The following GOLGA4 variants were observed in gnomAD, a reference collection of about 807,000 sequenced individuals.
GOLGA4 encodes the protein golgin subfamily A member 4.
Under a neutral mutation model 265.9 loss-of-function variants are expected in GOLGA4, and 169 were observed. That is an observed-to-expected ratio of 0.64 (90% CI 0.56 to 0.72). GOLGA4 has a LOEUF of 0.72. Among genes scored for constraint, GOLGA4 ranks in the 30% least tolerant of loss-of-function variants. GOLGA4 has a pLI of 0.00. For missense variants in GOLGA4, 2,482 were observed against 2,483.4 expected (o/e 1.00, Z 0.01); for synonymous variants, 923 against 855.8 (o/e 1.08, Z -1.37).
chr3:37,293,440 C>T (rs941213914), intron 5 of GOLGA4, among the ~76,000 whole-genome samples: 1 of 152,028 alleles, frequency 6.6e-6, no homozygotes, highest in African/African-American at 2.4e-5. Context: ...GAGACCTGGG[C>T]TGTGGTTATA....
chr3:37,342,506 C>A (rs950696724), intron 20 of GOLGA4, among the ~76,000 whole-genome samples: 1 of 152,122 alleles, frequency 6.6e-6, no homozygotes, highest in South Asian at 2.1e-4. Context: ...TGTTCTTTAT[C>A]ATTTACCACC....
At chr3:37,343,859 A>T (rs570667500) in intron 20 of GOLGA4, among the ~76,000 whole-genome samples, 1 of 152,312 alleles carries the variant, frequency 6.6e-6, no homozygotes, top group South Asian at 2.1e-4. Context: ...CGATTTTAAG[A>T]TCTGTCACCC....
intron 10 of GOLGA4, among the ~76,000 whole-genome samples, chr3:37,308,908 C>T (rs1208367985): frequency 6.6e-6 from 1 of 151,994 alleles, no homozygotes; most frequent in African/African-American, 2.4e-5. Flanking sequence ...GCCACTGCGC[C>T]TGGCTAAAAG....
At chr3:37,287,282 A>G (rs556617150) in intron 4 of GOLGA4, among the ~76,000 whole-genome samples, 1 of 152,248 alleles carries the variant, frequency 6.6e-6, no homozygotes, top group African/African-American at 2.4e-5. Flanking sequence ...CAGAGGTTGC[A>G]TTAAGCCAAG....
chr3:37,365,767 AC>A (rs1696700959), intron 23 of GOLGA4, among the ~76,000 whole-genome samples: 1 of 149,392 alleles, frequency 6.7e-6, no homozygotes, highest in African/African-American at 2.5e-5. Context: ...TTTAGAAGAT[AC>A]CTTTAAGATT....
intron 4 of GOLGA4, among the ~76,000 whole-genome samples, chr3:37,287,295 C>T (rs141623021): frequency 0.013 from 1,908 of 152,280 alleles, 47 homozygotes; most frequent in African/African-American, 0.043. Context: ...AAGCCAAGAT[C>T]GTGCCATTGC....
At chr3:37,284,956 T>C (rs755871156) in intron 3 of GOLGA4, among the ~76,000 whole-genome samples, 1 of 151,888 alleles carries the variant, frequency 6.6e-6, no homozygotes, top group Non-Finnish European at 1.5e-5. Context: ...TGAGCCACCA[T>C]GCCTGGCTGT....
At chr3:37,351,045 G>A (rs141780694) in intron 21 of GOLGA4, among the ~76,000 whole-genome samples, 11 of 152,216 alleles carry the variant, frequency 7.2e-5, no homozygotes, top group African/African-American at 2.4e-4. Context: ...ATGTTTGATA[G>A]TATTTTACCC....
intron 10 of GOLGA4, 119 bp from the exon 11 acceptor site, chr3:37,315,301 A>T: frequency 2.5e-6 from 2 of 807,922 alleles, no homozygotes; most frequent in Non-Finnish European, 3.9e-6. Context: ...TAGAACAGTG[A>T]TGAGTTTTTT....
chr3:37,325,127 C>A lies in GOLGA4; in HGVS notation c.3241C>A (p.Leu1081Ile). ...GGTAGCAGAACTGAAACAAAAGATCCTCCTATTTGGGTGTGAAAAAGAAGA... is the reference window on the plus strand; with the variant it reads ...GGTAGCAGAACTGAAACAAAAGATCATCCTATTTGGGTGTGAAAAAGAAGA... ...QEVAELKQKI[L>I]LFGCEKEEMN... The change falls in exon 14 of 24, where the codon CTC becomes ATC. Residue 1081 changes from leucine to isoleucine, a missense_variant. Leu to Ile is a conservative substitution (Grantham distance 5, BLOSUM62 2). Coordinates refer to ENST00000361924, the MANE Select transcript of GOLGA4 (RefSeq NM_002078.5). 1.9e-6 allele frequency: 3 copies of A among 1,613,248 alleles called. No individual in the cohort carries two copies. The highest frequency in any genetic ancestry group is 2.5e-6 in the Non-Finnish European group (3 of 1,179,484).
Position 37,321,904 on chromosome 3 carries a change from T to C in GOLGA4, c.1701+18T>C, listed in dbSNP as rs746471676. The stretch of plus-strand genomic sequence containing the variant: ...ACAGAACTGTAAGTTTTAATAATAT[T>C]CAGATTCTGGAGTTGTGAAATTATT... On this transcript the variant is annotated intron_variant, in intron 13 of 23. Coordinates refer to ENST00000361924, the MANE Select transcript of GOLGA4 (RefSeq NM_002078.5). 6.4e-6 allele frequency: 10 copies of C among 1,574,660 alleles called. No individual in the cohort carries two copies. Among genetic ancestry groups the C allele is most frequent in the Non-Finnish European group, 8.6e-6 (10 of 1,162,292 alleles).
In GOLGA4 at chr3:37,243,365, C is replaced by T; in HGVS notation, c.-186C>T. On this transcript the variant is annotated 5_prime_UTR_variant, in exon 1 of 24. Transcript: ENST00000361924. ...TGGCACCCGGAAGAAAGAGACGCGG[C>T]GGCGGCGACGCCGACACCCTCAGGA... The T allele has an allele frequency of 1.7e-6, 1 of 579,934 alleles. No individual in the cohort carries two copies. The highest frequency in any genetic ancestry group is 3.1e-6 in the Non-Finnish European group (1 of 322,864). 35.9% of individuals were successfully genotyped at this position (579,934 alleles called of 1,614,324 possible).
chr3:37,294,068 T>G (rs986615240), intron 5 of GOLGA4, among the ~76,000 whole-genome samples: 11 of 152,204 alleles, frequency 7.2e-5, no homozygotes, highest in Non-Finnish European at 1.0e-4. Context: ...CATTGTTATG[T>G]GATATGTGAC....
intron 16 of GOLGA4, among the ~76,000 whole-genome samples, chr3:37,332,702 A>G (rs1052145382): frequency 2.6e-5 from 4 of 152,004 alleles, no homozygotes; most frequent in Non-Finnish European, 4.4e-5. Flanking sequence ...TTCTCCCTCC[A>G]CCGGCAACCA....
chr3:37,278,589 T>A (rs2096825927), intron 2 of GOLGA4, among the ~76,000 whole-genome samples: 1 of 152,164 alleles, frequency 6.6e-6, no homozygotes, highest in Admixed American at 6.5e-5. Context: ...GTCAACTTTA[T>A]AACAAATTCA....
intron 4 of GOLGA4, among the ~76,000 whole-genome samples, chr3:37,288,829 C>T (rs552873367): frequency 1.2e-3 from 177 of 152,188 alleles, no homozygotes; most frequent in African/African-American, 4.2e-3. Flanking sequence ...GCCACAAAAA[C>T]CTTTAGAACA....
chr3:37,312,347 A>G (rs2096925346), intron 10 of GOLGA4, among the ~76,000 whole-genome samples: 1 of 152,094 alleles, frequency 6.6e-6, no homozygotes, highest in African/African-American at 2.4e-5. Flanking sequence ...GAGGGAACTA[A>G]TTTCTTGTTA....
At chr3:37,272,183 C>T (rs2096800629) in intron 2 of GOLGA4, among the ~76,000 whole-genome samples, 1 of 152,122 alleles carries the variant, frequency 6.6e-6, no homozygotes, top group Non-Finnish European at 1.5e-5. Context: ...CATCCCTGCA[C>T]CCCCGGTCTG....
Position 37,323,724 on chromosome 3 carries a change from A to G in GOLGA4, c.1838A>G (p.Lys613Arg), listed in dbSNP as rs150028760. ...ATTACAGTCATGGTTGAAAAACACA[A>G]GACAGAATTGGAAAGCCTTAAGCAT... ...KEITVMVEKH[K>R]TELESLKHQQ... Residue 613 changes from lysine (K) to arginine (R), a missense_variant, in exon 14 of 24, where the codon AAG (lysine) becomes AGG (arginine). Coordinates refer to ENST00000361924, the MANE Select transcript of GOLGA4 (RefSeq NM_002078.5). The G allele has an allele frequency of 1.1e-4, 172 of 1,613,904 alleles. No individual in the cohort carries two copies. Among genetic ancestry groups the G allele is most frequent in the Middle Eastern group, 5.0e-4 (3 of 6,058 alleles).
Sources: gnomAD v4.1 joint callset for allele counts (sites outside exome capture counted in the v4.1 genomes callset) on GRCh38, gnomAD v4.1.1 for gene constraint, MANE v1.5 for transcripts, NCBI Gene and HGNC (gene_info 2026-07-23, HGNC 2026-07-21) for gene names.